Variants in GPC6 observed in about 807,000 individuals in gnomAD.
GPC6 encodes the protein glypican 6.
GPC6 carries 14 observed loss-of-function variants against 55.2 expected under a neutral mutation model. That is an observed-to-expected ratio of 0.25 (90% confidence interval 0.17 to 0.40). GPC6 has a LOEUF of 0.40. Ranked by LOEUF, GPC6 falls within the 10% of genes least tolerant of loss-of-function variation. The pLI is 1.00. For missense variants in GPC6, 641 were observed against 708.5 expected (o/e 0.90, Z 1.08); for synonymous variants, 278 against 259.6 (o/e 1.07, Z -0.68).
At chr13:93,788,207 C>G (rs547891601) in intron 2 of GPC6, among the ~76,000 whole-genome samples, 2 of 152,244 alleles carry the variant, frequency 1.3e-5, no homozygotes, top group African/African-American at 4.8e-5. Flanking sequence ...GAAGGCTGCT[C>G]TCTGCTTCCA....
rs776003680 is a variant in GPC6, at chr13:94,186,059, C to CAAAAAAAAAAAAAAAAAA, written c.878-100290_878-100289insAAAAAAAAAAAAAAAAAA. ...TAGGTGACAGAGCGAGACTCCGTCT[C>CAAAAAAAAAAAAAAAAAA]CAAAAAAAAAAAAAAAAAAAAGGTT... On this transcript the variant is annotated intron_variant, in intron 4 of 8. Transcript: ENST00000377047. Among the ~76,000 whole-genome samples, 2 of 63,840 alleles carry CAAAAAAAAAAAAAAAAAA rather than the reference C, an allele frequency of 3.1e-5. 1 individual carries two copies. The highest frequency in any genetic ancestry group is 5.7e-5 in the Non-Finnish European group (2 of 34,858). The allele number at this position is 63,840 out of a possible 152,430, so 41.9% of individuals were successfully genotyped here. A position where few individuals can be genotyped will look rare whatever the true frequency, so the allele number is the denominator to read the frequency against.
intron 4 of GPC6, among the ~76,000 whole-genome samples, chr13:94,277,012 T>C (rs1566625157): frequency 6.6e-6 from 1 of 152,208 alleles, no homozygotes; most frequent in Non-Finnish European, 1.5e-5. Flanking sequence ...GGAATTGCCA[T>C]ACTGTCTTCC....
At chr13:94,301,193 A>G (rs1327113175) in intron 5 of GPC6, among the ~76,000 whole-genome samples, 2 of 152,192 alleles carry the variant, frequency 1.3e-5, no homozygotes, top group Non-Finnish European at 2.9e-5. Flanking sequence ...GATTTATATA[A>G]CAGCCATTTG....
rs147226017 is a variant in GPC6, at chr13:93,516,106, T to C, written c.161-29157T>C. Among the ~76,000 whole-genome samples the C allele has an allele frequency of 5.6e-3, 846 of 152,224 alleles. 5 individuals carry two copies. The highest frequency in any genetic ancestry group is 0.018 in the African/African-American group (751 of 41,542). ...CTGTAGAAGCTTGCCATGTGAAAAA[T>C]TCATTAGCAGCAAGTTTGAAATCTT... On this transcript the variant is annotated intron_variant, in intron 1 of 8. Transcript: ENST00000377047.
intron 4 of GPC6, among the ~76,000 whole-genome samples, chr13:94,088,429 G>A (rs189508014): frequency 3.6e-4 from 54 of 152,012 alleles, no homozygotes; most frequent in Admixed American, 7.2e-4. Context: ...GCTCACACCC[G>A]TAATATCCTA....
intron 1 of GPC6, among the ~76,000 whole-genome samples, chr13:93,373,981 A>G (rs1874781986): frequency 6.6e-6 from 1 of 152,182 alleles, no homozygotes; most frequent in Admixed American, 6.5e-5. Context: ...TTTCTATATA[A>G]AATATAATTG....
chr13:93,672,091 C>T (rs558856928), intron 2 of GPC6, among the ~76,000 whole-genome samples: 10 of 148,882 alleles, frequency 6.7e-5, no homozygotes, highest in South Asian at 2.1e-4. Flanking sequence ...AACAGAACAA[C>T]GTAGAAAAAA....
At chr13:93,767,415 A>G (rs1291019670) in intron 2 of GPC6, among the ~76,000 whole-genome samples, 1 of 152,202 alleles carries the variant, frequency 6.6e-6, no homozygotes, top group Non-Finnish European at 1.5e-5. Flanking sequence ...AAGTCAGTTA[A>G]AAAAGCAAAT....
intron 3 of GPC6, among the ~76,000 whole-genome samples, chr13:93,881,541 T>C (rs1377261289): frequency 6.6e-6 from 1 of 152,076 alleles, no homozygotes; most frequent in Admixed American, 6.6e-5. Flanking sequence ...TACTGGACAA[T>C]GATTACTTGG....
At chr13:94,211,894 A>C (rs1341057994) in intron 4 of GPC6, among the ~76,000 whole-genome samples, 5 of 152,218 alleles carry the variant, frequency 3.3e-5, no homozygotes, top group African/African-American at 1.2e-4. Context: ...ATGTGTAAGA[A>C]ATTTATCAAT....
intron 2 of GPC6, among the ~76,000 whole-genome samples, chr13:93,647,504 G>A (rs1004979043): frequency 6.6e-6 from 1 of 152,094 alleles, no homozygotes; most frequent in Non-Finnish European, 1.5e-5. Flanking sequence ...GGAGATTTTT[G>A]TAGGGAACTC....
At chr13:94,035,782 T>C (rs1035393656) in intron 4 of GPC6, among the ~76,000 whole-genome samples, 2 of 152,064 alleles carry the variant, frequency 1.3e-5, no homozygotes, top group Non-Finnish European at 1.5e-5. Flanking sequence ...ACATAGTATT[T>C]ACTTTGAATA....
At chr13:93,827,951 C>T (rs1161302853) in intron 2 of GPC6, among the ~76,000 whole-genome samples, 3 of 151,540 alleles carry the variant, frequency 2.0e-5, no homozygotes, top group African/African-American at 7.3e-5. Flanking sequence ...TATTTTTATT[C>T]CTAAGACAAA....
intron 2 of GPC6, among the ~76,000 whole-genome samples, chr13:93,577,176 A>G (rs1358383055): frequency 6.6e-6 from 1 of 152,190 alleles, no homozygotes; most frequent in Non-Finnish European, 1.5e-5. Context: ...CAACAGAAAT[A>G]TATCTCACTG....
intron 3 of GPC6, among the ~76,000 whole-genome samples, chr13:93,954,888 C>T (rs1352253872): frequency 6.6e-6 from 1 of 152,230 alleles, no homozygotes; most frequent in Admixed American, 6.5e-5. Context: ...TAATATCCAC[C>T]ACCTTCTAGC....
chr13:93,464,395 C>A (rs774992955), intron 1 of GPC6, among the ~76,000 whole-genome samples: 7 of 152,182 alleles, frequency 4.6e-5, no homozygotes, highest in Non-Finnish European at 1.0e-4. Context: ...TTCTTTCAGA[C>A]CCTGCTGCAG....
At chr13:93,444,337 C>G (rs1009211603) in intron 1 of GPC6, among the ~76,000 whole-genome samples, 10 of 151,868 alleles carry the variant, frequency 6.6e-5, no homozygotes, top group African/African-American at 2.4e-4. Context: ...ACCCTGGCGC[C>G]GTGTCTCACG....
Position 93,918,095 on chromosome 13 carries a change from A to T in GPC6, c.711+87550A>T, listed in dbSNP as rs914886679. 1.3e-3 allele frequency among the ~76,000 whole-genome samples: 71 copies of T among 55,116 alleles called. 1 individual carries two copies. Among genetic ancestry groups the T allele is most frequent in the African/African-American group, 5.2e-3 (69 of 13,146 alleles). The allele number at this position is 55,116 out of a possible 152,430, so 36.2% of individuals were successfully genotyped here. ...CTGGGTGACATAGAGAGACTCCGTCAAAAAAAAAAAAAAATCACATCTAAC... is the reference window on the plus strand; with the variant it reads ...CTGGGTGACATAGAGAGACTCCGTCTAAAAAAAAAAAAAATCACATCTAAC... On this transcript the variant is annotated intron_variant, in intron 3 of 8. Transcript: ENST00000377047.
At chr13:93,337,323 G>A (rs1413719933) in intron 1 of GPC6, among the ~76,000 whole-genome samples, 2 of 152,136 alleles carry the variant, frequency 1.3e-5, no homozygotes, top group Non-Finnish European at 2.9e-5. Context: ...TTTGGCTCAA[G>A]GTTTTATACA....
Sources: gnomAD v4.1 joint callset for allele counts (sites outside exome capture counted in the v4.1 genomes callset) on GRCh38, gnomAD v4.1.1 for gene constraint, MANE v1.5 for transcripts, NCBI Gene and HGNC (gene_info 2026-07-23, HGNC 2026-07-21) for gene names.